Variants in KIF1A observed in about 807,000 individuals in gnomAD.
KIF1A encodes kinesin-like protein KIF1A.
KIF1A carries 46 observed loss-of-function variants against 227.3 expected under a neutral mutation model. The observed-to-expected ratio is 0.20, with a 90% confidence interval of 0.16 to 0.26. The LOEUF (loss-of-function observed/expected upper bound fraction) is 0.26. Ranked by LOEUF, KIF1A falls within the 10% of genes least tolerant of loss-of-function variation. The probability of loss-of-function intolerance (pLI) is 1.00; values close to 1 mark genes in which losing one functional copy is unlikely to be tolerated. For synonymous variants in KIF1A, 1,022 were observed against 1,012.8 expected (o/e 1.01, Z -0.17); for missense variants, 1,683 against 2,485.9 (o/e 0.68, Z 6.87).
At chr2:240,723,344 A>G in intron 42 of KIF1A, 69 bp downstream of exon 42, 1 of 1,437,730 alleles carries the variant, frequency 7.0e-7, no homozygotes, top group South Asian at 1.4e-5. Context: ...GGCCCTCTCC[A>G]GCTTTTGCTC....
intron 6 of KIF1A, among the ~76,000 whole-genome samples, chr2:240,786,008 G>A (rs2054699401): frequency 6.6e-6 from 1 of 152,100 alleles, no homozygotes; most frequent in African/African-American, 2.4e-5. Context: ...CACACAGAAT[G>A]TGGACCCCTG....
At chr2:240,783,159 C>T in intron 8 of KIF1A, 50 bp from the exon 9 acceptor site, 2 of 1,421,016 alleles carry the variant, frequency 1.4e-6, no homozygotes, top group Non-Finnish European at 2.0e-6. Flanking sequence ...CCCGTGGGGC[C>T]TCCTGCTCTG....
chr2:240,721,019 G>A lies in KIF1A; in HGVS notation c.4763C>T (p.Thr1588Ile), dbSNP rs932637073. The A allele has an allele frequency of 3.7e-6, 6 of 1,611,938 alleles. No homozygotes were observed. Among genetic ancestry groups the A allele is most frequent in the South Asian group, 1.1e-5 (1 of 90,772 alleles). The part of the protein sequence containing the change: ...SESKLSEMSV[T>I]LLRDPSMSPL... ...GGACATCGACGGGTCCCGGAGCAGG[G>A]TGACAGACATCTCGGAGAGCTGCGG... Residue 1588 changes from threonine to isoleucine, a missense_variant, in exon 45 of 49, where the codon ACC (threonine) becomes ATC (isoleucine). Around this residue, in one of 12 missense-constraint regions of KIF1A, gnomAD observed 384 missense variants for 410.1 expected, o/e 0.94. Coordinates refer to ENST00000498729, the MANE Select transcript of KIF1A (RefSeq NM_001244008.2).
intron 1 of KIF1A, among the ~76,000 whole-genome samples, chr2:240,798,581 G>A (rs1028692602): frequency 1.6e-4 from 24 of 152,188 alleles, no homozygotes; most frequent in Non-Finnish European, 2.5e-4. Context: ...GTGAAATGAC[G>A]GGGTGGTGGT....
chr2:240,765,278 C>A (rs1041469609), intron 20 of KIF1A, among the ~76,000 whole-genome samples: 9 of 152,346 alleles, frequency 5.9e-5, no homozygotes, highest in Non-Finnish European at 8.8e-5. Flanking sequence ...CAACCCCACC[C>A]GGGGTGCTGC....
rs1035851004 is a variant in KIF1A at position 240,739,157 on chromosome 2, G to A, written c.3901+901C>T. ...GTCCTGCACTGGGACACAAGGTGACGGGTCCAGCCTCAGGGAAGTGACCTT... is the reference window on the plus strand; with the variant it reads ...GTCCTGCACTGGGACACAAGGTGACAGGTCCAGCCTCAGGGAAGTGACCTT... On this transcript the variant is annotated intron_variant, in intron 37 of 48. Coordinates refer to ENST00000498729, the MANE Select transcript of KIF1A (RefSeq NM_001244008.2). The surrounding 1 kb of genome is among the most constrained non-coding windows in gnomAD (Gnocchi z 5.6). Among the ~76,000 whole-genome samples the A allele has an allele frequency of 2.6e-5, 4 of 152,178 alleles. No homozygotes were observed. Among genetic ancestry groups the A allele is most frequent in the African/African-American group, 4.8e-5 (2 of 41,436 alleles).
At position 240,792,575 on chromosome 2, in the gene KIF1A, G is replaced by T. The variant is rs2126119091; in HGVS notation, c.107-3263C>A. Among the ~76,000 whole-genome samples the T allele has an allele frequency of 6.6e-6, 1 of 152,238 alleles. No individual in the cohort carries two copies. The highest frequency in any genetic ancestry group is 2.4e-5 in the African/African-American group (1 of 41,538). ...AGCTGGAAGAAGGGGGACGGGAAAGGAATGGAATACAGCCGTTTTCTCAGA... is the reference window on the plus strand; with the variant it reads ...AGCTGGAAGAAGGGGGACGGGAAAGTAATGGAATACAGCCGTTTTCTCAGA... On this transcript the variant is annotated intron_variant, in intron 2 of 48. Transcript: ENST00000498729. This position sits in a 1 kb window ranked among gnomAD's most constrained non-coding sequence, Gnocchi z 4.5.
In KIF1A at chr2:240,725,127, G is replaced by C. The variant is rs1030196679; in HGVS notation, c.4256+144C>G. 2 of 802,934 alleles carry C rather than the reference G, an allele frequency of 2.5e-6. No individual in the cohort carries two copies. The highest frequency in any genetic ancestry group is 3.9e-6 in the Non-Finnish European group (2 of 507,002). 49.7% of individuals were successfully genotyped at this position (802,934 alleles called of 1,614,324 possible). On this transcript the variant is annotated intron_variant, in intron 40 of 48. Coordinates refer to ENST00000498729, the MANE Select transcript of KIF1A (RefSeq NM_001244008.2). This position sits in a 1 kb window ranked among gnomAD's most constrained non-coding sequence, Gnocchi z 5.8. ...TAGGGTGAGCAGGAGGGGACTGAGC[G>C]CAGGGAGCCAGCCAGGAGTGTGGCT...
chr2:240,786,901 T>G (rs1268848136), intron 5 of KIF1A, among the ~76,000 whole-genome samples: 1 of 142,114 alleles, frequency 7.0e-6, no homozygotes, highest in Non-Finnish European at 1.6e-5. Context: ...GGGGTGTCAA[T>G]GTGGCCTCCC....
rs913583997 is a variant in KIF1A, at chr2:240,725,869, G to T, written c.4123-465C>A. On this transcript the variant is annotated intron_variant, in intron 39 of 48. Transcript: ENST00000498729. The surrounding 1 kb of genome is among the most constrained non-coding windows in gnomAD (Gnocchi z 5.8). ...GCTGGCCCCTTTGTCTTCCTGAAGTGGGGGCAGCTGCTGTGCATGGCTGAA... is the reference window on the plus strand; with the variant it reads ...GCTGGCCCCTTTGTCTTCCTGAAGTTGGGGCAGCTGCTGTGCATGGCTGAA... The T allele has an allele frequency of 6.3e-6, 1 of 158,592 alleles. No individual in the cohort carries two copies. The highest frequency in any genetic ancestry group is 1.4e-5 in the Non-Finnish European group (1 of 72,314). The allele number at this position is 158,592 out of a possible 1,614,324, so 9.8% of individuals were successfully genotyped here.
Position 240,774,241 on chromosome 2 carries a change from T to C in KIF1A, c.979A>G (p.Met327Val), listed in dbSNP as rs2052422541. 1.9e-6 allele frequency: 3 copies of C among 1,611,622 alleles called. No homozygotes were observed. The highest frequency in any genetic ancestry group is 2.5e-6 in the Non-Finnish European group (3 of 1,178,162). Residue 327 changes from methionine to valine, a missense_variant, in exon 12 of 49, where the codon ATG becomes GTG. Physicochemically the swap from Met to Val is conservative, Grantham distance 21. Coordinates refer to ENST00000498729, the MANE Select transcript of KIF1A (RefSeq NM_001244008.2). ...TCTGCAGGACTCAAGGCTGCCACCA[T>C]AGCTGTCCTTGAGTTACCGCCTGTG... ...ENLGGNSRTAMVAALSPADIN... is the reference protein window; with the variant it reads ...ENLGGNSRTAVVAALSPADIN...
At chr2:240,817,490 C>A (rs966830041) in intron 1 of KIF1A, among the ~76,000 whole-genome samples, 2 of 152,226 alleles carry the variant, frequency 1.3e-5, no homozygotes, top group African/African-American at 2.4e-5. Flanking sequence ...CCAGGCCCAC[C>A]ACTCTCCACC....
At chr2:240,754,459 C>T (rs10175875) in intron 27 of KIF1A, among the ~76,000 whole-genome samples, 6 of 152,030 alleles carry the variant, frequency 3.9e-5, no homozygotes, top group Non-Finnish European at 8.8e-5. Context: ...AGTGGCAGCA[C>T]CAGCCTCAAG....
At chr2:240,747,043 G>A (rs952372210) in intron 29 of KIF1A, among the ~76,000 whole-genome samples, 193 bp downstream of exon 29, 2 of 152,176 alleles carry the variant, frequency 1.3e-5, no homozygotes, top group Non-Finnish European at 2.9e-5. Flanking sequence ...CCAGGGGTCA[G>A]GGCAAACCCG....
chr2:240,784,852 G>A, intron 7 of KIF1A, 137 bp downstream of exon 7: 2 of 699,150 alleles, frequency 2.9e-6, no homozygotes, highest in South Asian at 1.7e-5. Flanking sequence ...GCCAGTGTAA[G>A]TGTGAGGACA....
At position 240,816,383 on chromosome 2, in the gene KIF1A, C is replaced by G. The variant is rs112723513; in HGVS notation, c.-61+3739G>C. On this transcript the variant is annotated intron_variant, in intron 1 of 48. Transcript: ENST00000498729. ...TGTGTATGTGTATATGCATGTGGATCTGTGTGTGTTCGAGTGGATGCATGT... is the reference window on the plus strand; with the variant it reads ...TGTGTATGTGTATATGCATGTGGATGTGTGTGTGTTCGAGTGGATGCATGT... Among the ~76,000 whole-genome samples the G allele has an allele frequency of 7.8e-3, 1,190 of 151,902 alleles. 13 individuals are homozygous for G. The highest frequency in any genetic ancestry group is 0.026 in the African/African-American group (1,077 of 41,400).
At position 240,818,423 on chromosome 2, in the gene KIF1A, C is replaced by G. The variant is rs533107475; in HGVS notation, c.-61+1699G>C. 4.6e-5 allele frequency among the ~76,000 whole-genome samples: 7 copies of G among 152,324 alleles called. No individual in the cohort carries two copies. In the East Asian group the frequency reaches 7.7e-4, roughly 17 times the overall value. The stretch of plus-strand genomic sequence containing the variant: ...TGGGTCTTGACTCCAACCACCCCAT[C>G]AACCAAACAAGGAACCCCTCTAAAT... On this transcript the variant is annotated intron_variant, in intron 1 of 48. Coordinates refer to ENST00000498729, the MANE Select transcript of KIF1A (RefSeq NM_001244008.2).
At chr2:240,799,669 TTCCAGCCG>T (rs2056784469) in intron 1 of KIF1A, among the ~76,000 whole-genome samples, 1 of 152,202 alleles carries the variant, frequency 6.6e-6, no homozygotes, top group Non-Finnish European at 1.5e-5. Context: ...TCTTAGGACG[TTCCAGCCG>T]GGATGGAGAG....
At chr2:240,783,600 A>C in intron 8 of KIF1A, 139 bp downstream of exon 8, 1 of 641,160 alleles carries the variant, frequency 1.6e-6, no homozygotes. Context: ...CCAAGACCCC[A>C]GCCTATGCCC....
Sources: allele counts gnomAD v4.1 joint callset (sites outside exome capture counted in the v4.1 genomes callset), GRCh38; gene constraint gnomAD v4.1.1; regional missense constraint gnomAD v4.1.1; non-coding constraint Gnocchi (gnomAD v3.1); transcripts MANE v1.5; gene names NCBI Gene and HGNC (gene_info 2026-07-23, HGNC 2026-07-21).